RSRC1: variants seen among roughly 807,000 people sequenced by gnomAD.
RSRC1 encodes the protein serine/Arginine-related protein 53.
Under a neutral mutation model 49.1 loss-of-function variants are expected in RSRC1, and 39 were observed. The ratio of observed to expected loss-of-function variants is 0.79; its 90% CI spans 0.61 to 1.04. RSRC1 has a LOEUF of 1.04. Ranked by LOEUF, RSRC1 falls within the 50% of genes least tolerant of loss-of-function variation. The pLI is 0.00. For synonymous variants in RSRC1, 143 were observed against 130.8 expected (o/e 1.09, Z -0.63); for missense variants, 388 against 402.4 (o/e 0.96, Z 0.31).
At chr3:158,142,534 T>C (rs571256193) in intron 3 of RSRC1, among the ~76,000 whole-genome samples, 6 of 152,204 alleles carry the variant, frequency 3.9e-5, no homozygotes, top group Non-Finnish European at 8.8e-5. Context: ...AGGGTAGATA[T>C]GATGCATAGT....
chr3:158,460,051 G>T (rs1737534484), intron 6 of RSRC1, among the ~76,000 whole-genome samples: 1 of 151,814 alleles, frequency 6.6e-6, no homozygotes, highest in South Asian at 2.1e-4. Flanking sequence ...AGTTTACATT[G>T]CTATTATTAT....
At chr3:158,136,463 A>G (rs74324031) in intron 3 of RSRC1, among the ~76,000 whole-genome samples, 3 of 152,296 alleles carry the variant, frequency 2.0e-5, no homozygotes, top group Non-Finnish European at 4.4e-5. Context: ...ACTGAGCTAA[A>G]TTCTTATTCT....
At chr3:158,392,842 T>G (rs187668455) in intron 6 of RSRC1, among the ~76,000 whole-genome samples, 82 of 152,232 alleles carry the variant, frequency 5.4e-4, no homozygotes, top group African/African-American at 1.9e-3. Flanking sequence ...AATAGACACC[T>G]GCAGAACTCT....
At chr3:158,177,507 C>T (rs1719299075) in intron 3 of RSRC1, among the ~76,000 whole-genome samples, 1 of 152,070 alleles carries the variant, frequency 6.6e-6, no homozygotes, top group African/African-American at 2.4e-5. Context: ...ATGGATGAAG[C>T]TGGAAACCAT....
chr3:158,392,789 A>G (rs1165666949), intron 6 of RSRC1, among the ~76,000 whole-genome samples: 34 of 152,230 alleles, frequency 2.2e-4, no homozygotes, highest in Non-Finnish European at 2.9e-5. Flanking sequence ...AAAACTAACA[A>G]AGATATTCAG....
chr3:158,325,018 C>A (rs946327678), intron 5 of RSRC1, among the ~76,000 whole-genome samples: 2 of 152,220 alleles, frequency 1.3e-5, no homozygotes, highest in Non-Finnish European at 2.9e-5. Flanking sequence ...CTGTTGGCTG[C>A]ATAAATGTCT....
At chr3:158,454,019 TTTGGTATTTC>T (rs370628426) in intron 6 of RSRC1, among the ~76,000 whole-genome samples, 164 of 152,226 alleles carry the variant, frequency 1.1e-3, no homozygotes, top group African/African-American at 3.7e-3. Flanking sequence ...TTGAATGCTT[TTTGGTATTTC>T]TTGGTATTTC....
intron 3 of RSRC1, among the ~76,000 whole-genome samples, chr3:158,181,466 G>A (rs1719620753): frequency 6.6e-6 from 1 of 152,192 alleles, no homozygotes; most frequent in South Asian, 2.1e-4. Flanking sequence ...TTGTGGACTA[G>A]ATTACTTTCT....
At chr3:158,428,109 A>G (rs1735564749) in intron 6 of RSRC1, among the ~76,000 whole-genome samples, 2 of 151,594 alleles carry the variant, frequency 1.3e-5, no homozygotes, top group African/African-American at 4.8e-5. Flanking sequence ...CCCACCTCCA[A>G]CCAGAATGGT....
At chr3:158,498,093 T>C (rs910005854) in intron 7 of RSRC1, among the ~76,000 whole-genome samples, 1 of 152,214 alleles carries the variant, frequency 6.6e-6, no homozygotes, top group East Asian at 1.9e-4. Context: ...TACCCAGTAG[T>C]GGGATTGCTG....
At chr3:158,387,406 G>A (rs1445267252) in intron 6 of RSRC1, among the ~76,000 whole-genome samples, 1 of 152,136 alleles carries the variant, frequency 6.6e-6, no homozygotes, top group Admixed American at 6.5e-5. Flanking sequence ...TGCTTAGTAA[G>A]AGACAGAAAC....
intron 7 of RSRC1, among the ~76,000 whole-genome samples, chr3:158,480,431 T>C (rs1308693734): frequency 6.6e-6 from 1 of 152,066 alleles, no homozygotes; most frequent in Non-Finnish European, 1.5e-5. Context: ...TTCACAGATC[T>C]TTCATATATT....
intron 7 of RSRC1, among the ~76,000 whole-genome samples, chr3:158,511,366 A>G (rs1366851753): frequency 1.3e-5 from 2 of 151,878 alleles, no homozygotes; most frequent in East Asian, 1.9e-4. Flanking sequence ...GAGTGAGAAT[A>G]TGTGGTGTTT....
At chr3:158,428,860 T>C (rs1262351956) in intron 6 of RSRC1, among the ~76,000 whole-genome samples, 3 of 151,910 alleles carry the variant, frequency 2.0e-5, no homozygotes, top group East Asian at 1.9e-4. Context: ...CTGCTTCAGC[T>C]GTTGCTACTA....
chr3:158,201,388 G>C (rs1247104090), intron 3 of RSRC1, among the ~76,000 whole-genome samples: 2 of 151,998 alleles, frequency 1.3e-5, no homozygotes, highest in Admixed American at 6.6e-5. Flanking sequence ...TATAGAATCT[G>C]TAAATTTGTC....
intron 7 of RSRC1, among the ~76,000 whole-genome samples, chr3:158,510,997 A>T (rs1740136607): frequency 6.6e-6 from 1 of 152,066 alleles, no homozygotes; most frequent in South Asian, 2.1e-4. Context: ...GATATTGAGT[A>T]TTTTTATCCT....
At chr3:158,306,877 G>T (rs1727866864) in intron 5 of RSRC1, among the ~76,000 whole-genome samples, 1 of 151,298 alleles carries the variant, frequency 6.6e-6, no homozygotes, top group South Asian at 2.1e-4. Flanking sequence ...TTTATTTTTT[G>T]ACTAAATTAT....
At chr3:158,224,995 C>A (rs1209117025) in intron 4 of RSRC1, among the ~76,000 whole-genome samples, 1 of 151,840 alleles carries the variant, frequency 6.6e-6, no homozygotes, top group Non-Finnish European at 1.5e-5. Flanking sequence ...ATATTCAAAT[C>A]TCTTTCAAAT....
intron 4 of RSRC1, among the ~76,000 whole-genome samples, chr3:158,295,205 TG>T (rs1415771931): frequency 6.6e-6 from 1 of 151,972 alleles, no homozygotes; most frequent in Admixed American, 6.6e-5. Flanking sequence ...TCCTGAAGGA[TG>T]GATTTTTGTT....
Sources: allele counts gnomAD v4.1 joint callset (sites outside exome capture counted in the v4.1 genomes callset), GRCh38; gene constraint gnomAD v4.1.1; transcripts MANE v1.5; gene names NCBI Gene and HGNC (gene_info 2026-07-23, HGNC 2026-07-21).